Variants in CPS1 observed in about 807,000 individuals in gnomAD.
The protein encoded by CPS1 is carbamoyl-phosphate synthase 1.
In CPS1, 109 loss-of-function variants were observed where a neutral mutation model predicts 174.6. The observed-to-expected ratio is 0.62, with a 90% CI of 0.53 to 0.73. CPS1 has a LOEUF of 0.73. Ranked by LOEUF, CPS1 falls within the 30% of genes least tolerant of loss-of-function variation. The probability of loss-of-function intolerance (pLI) is 0.00; values close to 1 mark genes in which losing one functional copy is unlikely to be tolerated. For synonymous variants in CPS1, 637 were observed against 632.0 expected (o/e 1.01, Z -0.12); for missense variants, 1,689 against 1,821.9 (o/e 0.93, Z 1.33).
At chr2:210,612,890 A>T (rs1699177828) in intron 20 of CPS1, among the ~76,000 whole-genome samples, 1 of 151,962 alleles carries the variant, frequency 6.6e-6, no homozygotes, top group African/African-American at 2.4e-5. Context: ...TTCTCATGCA[A>T]ATTAAATGCC....
chr2:210,533,707 G>A (rs1306622356), intron 1 of CPS1, among the ~76,000 whole-genome samples: 3 of 152,154 alleles, frequency 2.0e-5, no homozygotes, highest in African/African-American at 7.2e-5. Context: ...CATATTTTCT[G>A]GAAACTAGTC....
intron 1 of CPS1, among the ~76,000 whole-genome samples, chr2:210,537,994 A>C (rs996585478): frequency 2.0e-5 from 3 of 152,152 alleles, no homozygotes; most frequent in Non-Finnish European, 4.4e-5. Context: ...TCTTAACTGC[A>C]TTTTTCTGGT....
At chr2:210,519,768 T>A in intron 1 of CPS1, 11 of 985,210 alleles carry the variant, frequency 1.1e-5, no homozygotes, top group South Asian at 4.7e-5. Context: ...ATTTTCCTGA[T>A]GAAAATGTTG....
intron 21 of CPS1, among the ~76,000 whole-genome samples, chr2:210,626,779 A>G (rs1018905931): frequency 2.0e-5 from 3 of 152,230 alleles, no homozygotes; most frequent in Admixed American, 2.0e-4. Context: ...ATATGAAGGG[A>G]TATGATTTTA....
chr2:210,575,030 C>A (rs149111290), intron 2 of CPS1, among the ~76,000 whole-genome samples: 2 of 151,918 alleles, frequency 1.3e-5, no homozygotes, highest in Non-Finnish European at 2.9e-5. Context: ...TTAAGCAATG[C>A]ATTTATATTG....
chr2:210,619,321 T>G (rs1375218130), intron 21 of CPS1: 1 of 152,110 alleles, frequency 6.6e-6, no homozygotes, highest in Admixed American at 6.6e-5. Flanking sequence ...TTCATGTTCT[T>G]TCTCTTAATC....
chr2:210,504,502 G>C (rs1161668549), intron 1 of CPS1, among the ~76,000 whole-genome samples: 8 of 152,152 alleles, frequency 5.3e-5, no homozygotes, highest in African/African-American at 1.9e-4. Flanking sequence ...TGAAGAAATT[G>C]AGTAAAAGTA....
At chr2:210,479,232 A>G (rs995364197) in intron 1 of CPS1, among the ~76,000 whole-genome samples, 1 of 151,412 alleles carries the variant, frequency 6.6e-6, no homozygotes, top group South Asian at 2.1e-4. Flanking sequence ...CTATCTTCAC[A>G]TGGTTGTCCC....
At chr2:210,622,679 T>C (rs1197485087) in intron 21 of CPS1, among the ~76,000 whole-genome samples, 1 of 151,156 alleles carries the variant, frequency 6.6e-6, no homozygotes, top group East Asian at 1.9e-4. Context: ...GAGAAAGAAC[T>C]ATTTCAGGAC....
intron 1 of CPS1, among the ~76,000 whole-genome samples, chr2:210,511,082 G>T (rs1371983067): frequency 5.3e-5 from 8 of 149,766 alleles, no homozygotes; most frequent in South Asian, 2.1e-4. Flanking sequence ...ACATGCACAC[G>T]TATGTTTATT....
At position 210,600,726 on chromosome 2, in the gene CPS1, G is replaced by GC. The variant is rs567549478; in HGVS notation, c.1707+15dup. ...GCAGTGGAATCGGTAAGGATTCTTT[G>GC]CTTTGGAAAAACAAGGGCATTATTT... On this transcript the variant is annotated intron_variant, in intron 15 of 37. Transcript: ENST00000233072. 7.4e-5 allele frequency: 120 copies of GC among 1,611,280 alleles called. No individual in the cohort carries two copies. In the African/African-American group the frequency reaches 1.3e-3, roughly 18 times the overall value.
intron 1 of CPS1, 81 bp from the exon 2 acceptor site, chr2:210,573,217 G>A (rs1257692870): frequency 1.7e-6 from 2 of 1,193,884 alleles, no homozygotes; most frequent in African/African-American, 1.5e-5. Flanking sequence ...TATTTAATAT[G>A]TCTGTGTATT....
At chr2:210,635,239 G>A (rs1167850938) in intron 21 of CPS1, among the ~76,000 whole-genome samples, 1 of 152,040 alleles carries the variant, frequency 6.6e-6, no homozygotes, top group Non-Finnish European at 1.5e-5. Flanking sequence ...CACCACACCC[G>A]GCCAAGTTGA....
At chr2:210,570,307 C>T (rs370238045) in intron 1 of CPS1, among the ~76,000 whole-genome samples, 26 of 151,906 alleles carry the variant, frequency 1.7e-4, no homozygotes, top group Admixed American at 3.9e-4. Flanking sequence ...GACTATTTCA[C>T]GCAATAGCAA....
At chr2:210,634,287 A>G (rs1023342038) in intron 21 of CPS1, among the ~76,000 whole-genome samples, 4 of 152,174 alleles carry the variant, frequency 2.6e-5, no homozygotes, top group Admixed American at 6.5e-5. Flanking sequence ...AAAATTAGCC[A>G]GGCGTGATGG....
chr2:210,608,069 A>G (rs1017666625), intron 18 of CPS1, among the ~76,000 whole-genome samples: 1 of 151,910 alleles, frequency 6.6e-6, no homozygotes, highest in African/African-American at 2.4e-5. Flanking sequence ...GTTAAACTTT[A>G]TTTATCAATA....
chr2:210,637,262 G>A (rs1452443767), intron 21 of CPS1, among the ~76,000 whole-genome samples: 1 of 152,152 alleles, frequency 6.6e-6, no homozygotes, highest in Non-Finnish European at 1.5e-5. Context: ...TAATAAAGTA[G>A]AGCGAGAAGC....
chr2:210,676,372 T>G (rs1256339240), intron 36 of CPS1, among the ~76,000 whole-genome samples: 1 of 152,196 alleles, frequency 6.6e-6, no homozygotes, highest in Non-Finnish European at 1.5e-5. Context: ...GTGTGAATCT[T>G]CAGGAATACC....
intron 37 of CPS1, among the ~76,000 whole-genome samples, chr2:210,677,685 G>C (rs1027967870): frequency 1.5e-4 from 23 of 152,206 alleles, no homozygotes; most frequent in African/African-American, 5.5e-4. Flanking sequence ...CGTATTCACA[G>C]TGACATCTGA....
Sources: gnomAD v4.1 joint callset for allele counts (sites outside exome capture counted in the v4.1 genomes callset) on GRCh38, gnomAD v4.1.1 for gene constraint, MANE v1.5 for transcripts, NCBI Gene and HGNC (gene_info 2026-07-23, HGNC 2026-07-21) for gene names.